KDM3A: variants seen among roughly 807,000 people sequenced by gnomAD.
The protein encoded by KDM3A is lysine demethylase 3A.
A neutral mutation model predicts 158.0 loss-of-function variants in KDM3A; 60 were observed. That is an observed-to-expected ratio of 0.38 (90% CI 0.31 to 0.47). KDM3A has a LOEUF of 0.47. KDM3A is among the 20% of genes least tolerant of loss of function. KDM3A has a pLI of 0.99. For missense variants in KDM3A, 1,319 were observed against 1,574.3 expected, an observed-to-expected ratio of 0.84 and a Z score of 2.74; for synonymous variants, 608 against 549.3, an observed-to-expected ratio of 1.11 and a Z score of -1.49.
At chr2:86,442,320 A>C in intron 2 of KDM3A, 87 bp downstream of exon 2, 1 of 1,272,922 alleles carries the variant, frequency 7.9e-7, no homozygotes, top group Non-Finnish European at 1.1e-6. Context: ...CGTTTTCTGA[A>C]AACGGAGACC....
intron 23 of KDM3A, 174 bp from the exon 24 acceptor site, chr2:86,490,707 T>A: frequency 1.8e-6 from 1 of 541,992 alleles, no homozygotes; most frequent in Non-Finnish European, 3.3e-6. Context: ...GTCATTCTTC[T>A]GTTGGTTCAT....
At chr2:86,456,690 T>G in intron 6 of KDM3A, 115 bp from the exon 7 acceptor site, 1 of 1,288,924 alleles carries the variant, frequency 7.8e-7, no homozygotes, top group South Asian at 1.3e-5. Context: ...ATTACAGTTG[T>G]TTTAAAAAGA....
chr2:86,457,455 T>C (rs1672754347), intron 8 of KDM3A, among the ~76,000 whole-genome samples: 1 of 152,190 alleles, frequency 6.6e-6, no homozygotes, highest in Non-Finnish European at 1.5e-5. Flanking sequence ...CAAATTTTTT[T>C]AGTGTTATAT....
intron 2 of KDM3A, among the ~76,000 whole-genome samples, chr2:86,447,519 C>T (rs1432764935): frequency 6.6e-6 from 1 of 150,746 alleles, no homozygotes; most frequent in Non-Finnish European, 1.5e-5. Context: ...TTCCCCTGCT[C>T]CTAACTTAAT....
rs1430386837 is a variant in KDM3A, at chr2:86,482,373, T to C, written c.2686-85T>C. The C allele has an allele frequency of 3.9e-6, 6 of 1,548,802 alleles. No individual in the cohort carries two copies. In the Admixed American group the frequency reaches 1.2e-4, roughly 32 times the overall value. ...GTCCTGGCTTGGAATCTTCTGGATATGTAATCTATACTCATTATGGGAATG... is the reference window on the plus strand; with the variant it reads ...GTCCTGGCTTGGAATCTTCTGGATACGTAATCTATACTCATTATGGGAATG... On this transcript the variant is annotated intron_variant, in intron 17 of 25. Transcript: ENST00000312912.
chr2:86,478,281 C>T lies in KDM3A; in HGVS notation c.2188+16C>T, dbSNP rs775769187. The stretch of plus-strand genomic sequence containing the variant: ...CCTGGAAAAGGTATTTCATGTGCTG[C>T]AGTGATTTTCTTTCCCCTTGTCTTG... On this transcript the variant is annotated intron_variant, in intron 14 of 25. Coordinates refer to ENST00000312912, the MANE Select transcript of KDM3A (RefSeq NM_018433.6). 2.6e-6 allele frequency: 4 copies of T among 1,563,962 alleles called. No individual in the cohort carries two copies. The South Asian group carries it at 4.5e-5, about 17-fold the overall frequency.
Position 86,492,117 on chromosome 2 carries a change from T to A in KDM3A, c.3964T>A (p.Ter1322LysextTer24). Residue 1322 changes from the stop codon to lysine, a stop_lost, in exon 26 of 26, where the codon TAA becomes AAA. Coordinates refer to ENST00000312912, the MANE Select transcript of KDM3A (RefSeq NM_018433.6). The stretch of plus-strand genomic sequence containing the variant: ...CAGTGAATCCAGTTTTGGCAAACCT[T>A]AATCTCCCTGCACATTGGAAATGAA... ...KASESSFGKP* is the reference protein window; with the variant it reads ...KASESSFGKPK 1 of 1,608,762 alleles carries A rather than the reference T, an allele frequency of 6.2e-7. No individual in the cohort carries two copies. The highest frequency in any genetic ancestry group is 8.5e-7 in the Non-Finnish European group (1 of 1,175,354).
intron 18 of KDM3A, chr2:86,483,085 C>CTGAA (rs1674018182): frequency 1.0e-5 from 2 of 200,990 alleles, no homozygotes; most frequent in Non-Finnish European, 1.0e-5. Context: ...AAAGCCTGTG[C>CTGAA]TGAAGGCAGT....
chr2:86,456,634 A>G (rs1672711464), intron 6 of KDM3A, 68 bp downstream of exon 6: 1 of 1,464,014 alleles, frequency 6.8e-7, no homozygotes, highest in Non-Finnish European at 9.4e-7. Context: ...AGCATTTATG[A>G]TTTTCTAGGC....
chr2:86,451,461 C>A (rs951223086), intron 4 of KDM3A, among the ~76,000 whole-genome samples: 1 of 152,208 alleles, frequency 6.6e-6, no homozygotes, highest in Non-Finnish European at 1.5e-5. Flanking sequence ...TGTATTCTTA[C>A]AATAAAATTA....
intron 4 of KDM3A, among the ~76,000 whole-genome samples, chr2:86,452,595 C>CT (rs1672516688): frequency 6.6e-6 from 1 of 152,156 alleles, no homozygotes; most frequent in African/African-American, 2.4e-5. Context: ...TAATATTCAT[C>CT]TTTTAGATAT....
Position 86,489,676 on chromosome 2 carries a change from A to T in KDM3A, c.3573+17A>T. The T allele has an allele frequency of 6.2e-7, 1 of 1,601,500 alleles. No homozygotes were observed. The highest frequency in any genetic ancestry group is 1.1e-5 in the South Asian group (1 of 89,638). ...CTTAAAAAGGTGTGCTGCTTATGGC[A>T]TGTGTGAACAGAGGCATAAGGAATA... is the stretch of plus-strand genomic sequence containing the variant. On this transcript the variant is annotated intron_variant, in intron 23 of 25. Transcript: ENST00000312912.
At chr2:86,457,652 T>C (rs890760805) in intron 8 of KDM3A, among the ~76,000 whole-genome samples, 4 of 152,106 alleles carry the variant, frequency 2.6e-5, no homozygotes, top group African/African-American at 9.7e-5. Flanking sequence ...GTAAATTGAG[T>C]TGTGTGTGTC....
rs1673598281 is a variant in KDM3A at position 86,475,007 on chromosome 2, G to T, written c.1939+17G>T. 6.3e-7 allele frequency: 1 copy of T among 1,598,490 alleles called. No individual in the cohort carries two copies. The highest frequency in any genetic ancestry group is 8.6e-7 in the Non-Finnish European group (1 of 1,167,880). ...AGCCACACAGTAAGAGCATCTCTTAGGGGGTAGGATTTTCGAGCCCAATTT... is the reference window on the plus strand; with the variant it reads ...AGCCACACAGTAAGAGCATCTCTTATGGGGTAGGATTTTCGAGCCCAATTT... On this transcript the variant is annotated intron_variant, in intron 12 of 25. Transcript: ENST00000312912.
intron 12 of KDM3A, 146 bp from the exon 13 acceptor site, chr2:86,477,731 G>C: frequency 1.5e-6 from 1 of 676,372 alleles, no homozygotes. Flanking sequence ...CACTTCATGG[G>C]GTGGAGGACA....
chr2:86,452,999 G>A (rs1183406067), intron 4 of KDM3A, among the ~76,000 whole-genome samples: 2 of 152,156 alleles, frequency 1.3e-5, no homozygotes, highest in Non-Finnish European at 2.9e-5. Context: ...CAGGGGGGTT[G>A]TGGATATTTT....
At chr2:86,484,808 A>C in intron 19 of KDM3A, 134 bp from the exon 20 acceptor site, 2 of 559,264 alleles carry the variant, frequency 3.6e-6, no homozygotes, top group Non-Finnish European at 3.2e-6. Flanking sequence ...TTGTATACTA[A>C]ATTTATCAGG....
In KDM3A at chr2:86,466,709, G is replaced by A; in HGVS notation, c.1345G>A (p.Val449Ile). The change falls in exon 10 of 26, where the codon GTT becomes ATT. Residue 449 changes from valine to isoleucine, a missense_variant. Val to Ile is a conservative substitution (Grantham distance 29). Coordinates refer to ENST00000312912, the MANE Select transcript of KDM3A (RefSeq NM_018433.6). ...AGAACATGCACCTTCCCCATCGGAT[G>A]TTTCAAATGCACCAGAAGTGAAAGC... ...HLEHAPSPSD[V>I]SNAPEVKAGV... 1 of 1,613,932 alleles carries A rather than the reference G, an allele frequency of 6.2e-7. No individual in the cohort carries two copies. Among genetic ancestry groups the A allele is most frequent in the Non-Finnish European group, 8.5e-7 (1 of 1,179,854 alleles).
At chr2:86,474,697 T>G in intron 11 of KDM3A, 79 bp from the exon 12 acceptor site, 2 of 591,536 alleles carry the variant, frequency 3.4e-6, no homozygotes, top group Non-Finnish European at 5.2e-6. Context: ...AAGTTGTAAA[T>G]AAGTTGTGTG....
Sources: gnomAD v4.1 joint callset for allele counts (sites outside exome capture counted in the v4.1 genomes callset) on GRCh38, gnomAD v4.1.1 for gene constraint, MANE v1.5 for transcripts, NCBI Gene and HGNC (gene_info 2026-07-23, HGNC 2026-07-21) for gene names.